The following BATF variants were observed in gnomAD, a reference collection of about 807,000 sequenced individuals.
The protein encoded by BATF is basic leucine zipper transcriptional factor ATF-like.
Under a neutral mutation model 13.7 loss-of-function variants are expected in BATF, and 5 were observed. The observed-to-expected ratio is 0.36, with a 90% CI of 0.19 to 0.77. The LOEUF (loss-of-function observed/expected upper bound fraction) is 0.77, where lower values mean the gene tolerates loss of function less well. BATF is among the 30% of genes least tolerant of loss of function. The pLI is 0.51. For synonymous variants in BATF, 72 were observed against 67.5 expected, an observed-to-expected ratio of 1.07 and a Z score of -0.33; for missense variants, 124 against 163.0, an observed-to-expected ratio of 0.76 and a Z score of 1.30.
chr14:75,542,191 T>C (rs939427189), intron 2 of BATF, among the ~76,000 whole-genome samples: 15 of 152,230 alleles, frequency 9.9e-5, no homozygotes, highest in African/African-American at 3.4e-4. Context: ...TGTGGTCATT[T>C]TGGAGGGTAT....
chr14:75,535,212 G>A (rs79680645), intron 2 of BATF, among the ~76,000 whole-genome samples: 2,817 of 152,232 alleles, frequency 0.019, 100 homozygotes, highest in African/African-American at 0.064. Flanking sequence ...TTGAGACCAA[G>A]CTGGGCAACA....
At chr14:75,533,427 C>CA (rs888084841) in intron 2 of BATF, among the ~76,000 whole-genome samples, 10,045 of 63,458 alleles carry the variant, frequency 0.16, 561 homozygotes, top group African/African-American at 0.19. Flanking sequence ...GACTCCGTCT[C>CA]AAAAAAAAAA....
chr14:75,542,865 C>T (rs139510960), intron 2 of BATF, among the ~76,000 whole-genome samples: 385 of 152,300 alleles, frequency 2.5e-3, no homozygotes, highest in African/African-American at 8.6e-3. Flanking sequence ...GGGAGGCAGA[C>T]GACAGAGCTA....
chr14:75,527,350 G>T (rs1887668165), intron 2 of BATF, among the ~76,000 whole-genome samples: 1 of 152,106 alleles, frequency 6.6e-6, no homozygotes, highest in South Asian at 2.1e-4. Context: ...AGAAAGTTTA[G>T]ACATAAGTTT....
chr14:75,543,899 G>A (rs1887942247), intron 2 of BATF, among the ~76,000 whole-genome samples: 1 of 151,832 alleles, frequency 6.6e-6, no homozygotes. Flanking sequence ...CTCCCAAAGT[G>A]CTGGGATTAT....
At chr14:75,541,099 TAAAC>T (rs1887889606) in intron 2 of BATF, among the ~76,000 whole-genome samples, 1 of 152,104 alleles carries the variant, frequency 6.6e-6, no homozygotes, top group African/African-American at 2.4e-5. Flanking sequence ...AAAAATTAAA[TAAAC>T]AAATAAATGA....
chr14:75,546,404 C>T, intron 2 of BATF, 58 bp from the exon 3 acceptor site: 2 of 1,581,966 alleles, frequency 1.3e-6, no homozygotes, highest in Non-Finnish European at 1.7e-6. Context: ...CTCCGCACCC[C>T]ACCCACCTTG....
At chr14:75,534,584 GA>G in intron 2 of BATF, among the ~76,000 whole-genome samples, 1 of 152,320 alleles carries the variant, frequency 6.6e-6, no homozygotes, top group Middle Eastern at 3.4e-3. Flanking sequence ...ACACTAAGGA[GA>G]AAGACACATG....
At position 75,536,904 on chromosome 14, in the gene BATF, C is replaced by A. The variant is rs140279168; in HGVS notation, c.169-9558C>A. 5.0e-3 allele frequency among the ~76,000 whole-genome samples: 756 copies of A among 152,156 alleles called. 3 individuals carry two copies. The highest frequency in any genetic ancestry group is 0.015 in the African/African-American group (622 of 41,520). ...ATAGCACCTCACTAGGCTGTTTGAC[C>A]GTTTAATTGAGAGGGCAAATGTAAG... On this transcript the variant is annotated intron_variant, in intron 2 of 2. Coordinates refer to ENST00000286639, the MANE Select transcript of BATF (RefSeq NM_006399.5).
At chr14:75,531,137 T>C (rs1038687411) in intron 2 of BATF, among the ~76,000 whole-genome samples, 1 of 152,242 alleles carries the variant, frequency 6.6e-6, no homozygotes, top group Non-Finnish European at 1.5e-5. Flanking sequence ...GTATTCAATC[T>C]TGACGTTATC....
At chr14:75,540,068 G>A (rs1483966536) in intron 2 of BATF, among the ~76,000 whole-genome samples, 1 of 152,142 alleles carries the variant, frequency 6.6e-6, no homozygotes, top group Non-Finnish European at 1.5e-5. Context: ...AAAATACACA[G>A]GGACTATTTT....
Position 75,540,763 on chromosome 14 carries a change from G to A in BATF, c.169-5699G>A, listed in dbSNP as rs189563756. Among the ~76,000 whole-genome samples, 684 of 152,264 alleles carry A rather than the reference G, an allele frequency of 4.5e-3. 2 individuals are homozygous for A. Among genetic ancestry groups the A allele is most frequent in the Non-Finnish European group, 5.0e-3 (341 of 68,030 alleles). On this transcript the variant is annotated intron_variant, in intron 2 of 2. Transcript: ENST00000286639. Reference sequence around the variant, plus strand: ...TGATAACCATAAAATACTTAAAAGAGTGATTGGCACACGGAAGTATTCAAT... The same window carrying A: ...TGATAACCATAAAATACTTAAAAGAATGATTGGCACACGGAAGTATTCAAT...
At chr14:75,543,785 C>A (rs965886296) in intron 2 of BATF, among the ~76,000 whole-genome samples, 3 of 151,240 alleles carry the variant, frequency 2.0e-5, no homozygotes, top group Admixed American at 6.6e-5. Context: ...GAGCTGAGAT[C>A]GCACCATTGT....
At chr14:75,533,278 A>G (rs1273207305) in intron 2 of BATF, among the ~76,000 whole-genome samples, 1 of 152,024 alleles carries the variant, frequency 6.6e-6, no homozygotes, top group Non-Finnish European at 1.5e-5. Flanking sequence ...AATGCAAAAA[A>G]TTAGCCAGGC....
rs1420446018 is a variant in BATF at position 75,546,959 on chromosome 14, C to T, written c.*288C>T. The T allele has an allele frequency of 1.4e-6, 1 of 702,926 alleles. No individual in the cohort carries two copies. The highest frequency in any genetic ancestry group is 2.7e-5 in the East Asian group (1 of 37,296). The allele number at this position is 702,926 out of a possible 1,614,324, so 43.5% of individuals were successfully genotyped here. A position where few individuals can be genotyped will look rare whatever the true frequency, so the allele number is the denominator to read the frequency against. Reference sequence around the variant, plus strand: ...GGCACAGAGCAAGGCGGGCAGGGAACGGTTATTTTTCTAAATAAATGCTTT... The same window carrying T: ...GGCACAGAGCAAGGCGGGCAGGGAATGGTTATTTTTCTAAATAAATGCTTT... On this transcript the variant is annotated 3_prime_UTR_variant, in exon 3 of 3. Transcript: ENST00000286639.
At chr14:75,540,118 G>T (rs115052550) in intron 2 of BATF, among the ~76,000 whole-genome samples, 1 of 152,150 alleles carries the variant, frequency 6.6e-6, no homozygotes, top group South Asian at 2.1e-4. Context: ...GCAAGGAGAA[G>T]GCCAAGACAC....
At chr14:75,528,106 T>C (rs1887679031) in intron 2 of BATF, among the ~76,000 whole-genome samples, 1 of 152,224 alleles carries the variant, frequency 6.6e-6, no homozygotes, top group Admixed American at 6.5e-5. Flanking sequence ...GGGCTCAGTG[T>C]GTGGTTTGCC....
At position 75,546,380 on chromosome 14, in the gene BATF, C is replaced by A. The variant is rs575242497; in HGVS notation, c.169-82C>A. 344 of 1,411,844 alleles carry A rather than the reference C, an allele frequency of 2.4e-4. 6 individuals are homozygous for A. The highest frequency in any genetic ancestry group is 2.0e-3 in the Middle Eastern group (11 of 5,536). The allele number at this position is 1,411,844 out of a possible 1,614,324, so 87.5% of individuals were successfully genotyped here. On this transcript the variant is annotated intron_variant, in intron 2 of 2. Coordinates refer to ENST00000286639, the MANE Select transcript of BATF (RefSeq NM_006399.5). ...CTGTGCTAGTGAACAACTAATCTGG[C>A]CCCTCCTGTGTCCCTCCGCACCCCA...
chr14:75,537,443 G>A (rs983625151), intron 2 of BATF, among the ~76,000 whole-genome samples: 18 of 152,166 alleles, frequency 1.2e-4, no homozygotes, highest in Admixed American at 3.9e-4. Context: ...CAGATTATAA[G>A]TTGGCAGTCA....
Sources: gnomAD v4.1 joint callset for allele counts (sites outside exome capture counted in the v4.1 genomes callset) on GRCh38, gnomAD v4.1.1 for gene constraint, MANE v1.5 for transcripts, NCBI Gene and HGNC (gene_info 2026-07-23, HGNC 2026-07-21) for gene names.